The following TULP3 variants were observed in gnomAD, a reference collection of about 807,000 sequenced individuals.
The protein encoded by TULP3 is tubby-related protein 3.
Under a neutral mutation model 50.7 loss-of-function variants are expected in TULP3, and 38 were observed. The observed-to-expected ratio is 0.75, with a 90% CI of 0.58 to 0.98. The LOEUF is 0.98. Among genes scored for constraint, TULP3 ranks in the 50% least tolerant of loss-of-function variants. The probability of loss-of-function intolerance (pLI) is 0.00; values close to 1 mark genes in which losing one functional copy is unlikely to be tolerated. For synonymous variants in TULP3, 183 were observed against 196.6 expected (o/e 0.93, Z 0.58); for missense variants, 550 against 568.0 (o/e 0.97, Z 0.32).
intron 1 of TULP3, among the ~76,000 whole-genome samples, chr12:2,896,563 T>C (rs1297883071): frequency 1.3e-5 from 2 of 152,164 alleles, no homozygotes; most frequent in African/African-American, 4.8e-5. Flanking sequence ...GAATATGAAC[T>C]ATAGTTGTAA....
intron 1 of TULP3, among the ~76,000 whole-genome samples, chr12:2,905,056 G>A (rs2153948443): frequency 7.1e-6 from 1 of 140,530 alleles, no homozygotes; most frequent in African/African-American, 2.7e-5. Context: ...CTGCACTCCA[G>A]CCTGGACGAC....
chr12:2,928,985 G>A (rs1317041998), intron 4 of TULP3, among the ~76,000 whole-genome samples: 1 of 151,620 alleles, frequency 6.6e-6, no homozygotes, highest in East Asian at 1.9e-4. Context: ...GCTCTTTTTA[G>A]AATTTGTCTA....
At chr12:2,894,519 A>G (rs1417548948) in intron 1 of TULP3, among the ~76,000 whole-genome samples, 1 of 147,926 alleles carries the variant, frequency 6.8e-6, no homozygotes. Flanking sequence ...TGGGTGACAG[A>G]GCAAGACTCC....
chr12:2,933,341 T>C, intron 6 of TULP3, 77 bp from the exon 7 acceptor site: 1 of 857,870 alleles, frequency 1.2e-6, no homozygotes, highest in Admixed American at 1.9e-5. Flanking sequence ...GCTGAATGAA[T>C]ATGTAGGACA....
chr12:2,916,025 T>A (rs2153949272), intron 2 of TULP3, among the ~76,000 whole-genome samples: 1 of 152,182 alleles, frequency 6.6e-6, no homozygotes. Flanking sequence ...GAAGTTTTAT[T>A]TATTTTGAGA....
At chr12:2,904,973 T>A (rs577840681) in intron 1 of TULP3, among the ~76,000 whole-genome samples, 1 of 151,446 alleles carries the variant, frequency 6.6e-6, no homozygotes, top group Non-Finnish European at 1.5e-5. Flanking sequence ...TTATCCCAGC[T>A]GCTTGGGAGG....
intron 1 of TULP3, among the ~76,000 whole-genome samples, chr12:2,892,118 T>C (rs1396477578): frequency 6.6e-6 from 1 of 152,096 alleles, no homozygotes; most frequent in African/African-American, 2.4e-5. Flanking sequence ...GTATTTAGTT[T>C]GATATTTCCA....
In TULP3 at chr12:2,938,223, A is replaced by G. The variant is rs759694975; in HGVS notation, c.1133A>G (p.Asn378Ser). 2 of 1,614,144 alleles carry G rather than the reference A, an allele frequency of 1.2e-6. No homozygotes were observed. Among genetic ancestry groups the G allele is most frequent in the South Asian group, 1.1e-5 (1 of 91,084 alleles). ...WNSDTQSYVL[N>S]FRGRVTQASV... ...AGTGACACTCAGTCCTATGTCCTCA[A>G]CTTCCGTGGCCGGGTCACTCAGGCG... is the stretch of plus-strand genomic sequence containing the variant. The change falls in exon 10 of 11, where the codon AAC (asparagine) becomes AGC (serine). Residue 378 changes from asparagine to serine, a missense_variant. Asn to Ser is a conservative substitution (Grantham distance 46, BLOSUM62 1). Transcript: ENST00000448120.
intron 4 of TULP3, among the ~76,000 whole-genome samples, chr12:2,928,850 CAA>C (rs933268509): frequency 5.9e-5 from 9 of 151,998 alleles, no homozygotes; most frequent in African/African-American, 1.7e-4. Context: ...GAGGCTGAGA[CAA>C]GAGAATTGCT....
intron 2 of TULP3, among the ~76,000 whole-genome samples, chr12:2,913,945 G>A (rs1186071995): frequency 1.3e-5 from 2 of 151,954 alleles, no homozygotes; most frequent in Non-Finnish European, 2.9e-5. Flanking sequence ...TATAATAATT[G>A]TACATATTTA....
At chr12:2,895,619 T>C (rs1159238509) in intron 1 of TULP3, among the ~76,000 whole-genome samples, 3 of 152,256 alleles carry the variant, frequency 2.0e-5, no homozygotes, top group Non-Finnish European at 4.4e-5. Flanking sequence ...ACTTTGTTAA[T>C]AGCTCTTTCC....
In TULP3 at chr12:2,939,952, G is replaced by A; in HGVS notation, c.*508G>A. On this transcript the variant is annotated 3_prime_UTR_variant, in exon 11 of 11. Transcript: ENST00000448120. This position sits in a 1 kb window ranked among gnomAD's most constrained non-coding sequence, Gnocchi z 4.0. ...CTCCAAAGCTAGAATGGGATTTCATGTGCTTGGAAACTTGCAGTAGAATCA... is the reference window on the plus strand; with the variant it reads ...CTCCAAAGCTAGAATGGGATTTCATATGCTTGGAAACTTGCAGTAGAATCA... 7.8e-7 allele frequency: 1 copy of A among 1,274,260 alleles called. No individual in the cohort carries two copies. The highest frequency in any genetic ancestry group is 5.7e-5 in the East Asian group (1 of 17,542). The allele number at this position is 1,274,260 out of a possible 1,614,324, so 78.9% of individuals were successfully genotyped here. A position where few individuals can be genotyped will look rare whatever the true frequency, so the allele number is the denominator to read the frequency against.
At chr12:2,933,640 T>TAA in intron 7 of TULP3, 110 bp downstream of exon 7, 1 of 512,876 alleles carries the variant, frequency 1.9e-6, no homozygotes, top group Non-Finnish European at 3.2e-6. Context: ...GTTGTAATCT[T>TAA]AAAAAAAAAG....
intron 4 of TULP3, among the ~76,000 whole-genome samples, chr12:2,924,098 G>A (rs929275867): frequency 2.0e-5 from 3 of 152,172 alleles, no homozygotes; most frequent in Admixed American, 1.3e-4. Flanking sequence ...CTCATGGAGC[G>A]CTTATTCTAA....
intron 1 of TULP3, among the ~76,000 whole-genome samples, chr12:2,906,900 G>C (rs2098182632): frequency 6.6e-6 from 1 of 151,574 alleles, no homozygotes; most frequent in Admixed American, 6.6e-5. Flanking sequence ...TGGGCAAGAA[G>C]AGTGAACCCT....
chr12:2,896,778 C>T (rs1340546659), intron 1 of TULP3, among the ~76,000 whole-genome samples: 5 of 151,926 alleles, frequency 3.3e-5, no homozygotes, highest in Non-Finnish European at 5.9e-5. Flanking sequence ...TCCTTTCTCC[C>T]GAAATTCATT....
chr12:2,909,510 T>G lies in TULP3; in HGVS notation c.42-19T>G, dbSNP rs773651561. The G allele has an allele frequency of 6.2e-5, 6 of 97,196 alleles. No homozygotes were observed. In the East Asian group the frequency reaches 2.9e-3, roughly 47 times the overall value. 6.0% of individuals were successfully genotyped at this position (97,196 alleles called of 1,614,324 possible). On this transcript the variant is annotated intron_variant, in intron 1 of 10. Coordinates refer to ENST00000448120, the MANE Select transcript of TULP3 (RefSeq NM_003324.5). ...GTTTTCTTTTTATATACTTGCTTTA[T>G]TTTTTTTTTTTTTAACAGTGTCTTC...
At chr12:2,938,405 A>C in intron 10 of TULP3, 120 bp downstream of exon 10, 1 of 1,194,466 alleles carries the variant, frequency 8.4e-7, no homozygotes, top group Non-Finnish European at 1.2e-6. Flanking sequence ...GAGGAGAGAC[A>C]GGATTTCTTT....
rs1328264333 is a variant in TULP3, at chr12:2,940,135, C to T, written c.*691C>T. ...TCAATTAAGGCTGAAAGCATAAACTCTAGAGGTGACTCAGTCAGGACTGAC... is the reference window on the plus strand; with the variant it reads ...TCAATTAAGGCTGAAAGCATAAACTTTAGAGGTGACTCAGTCAGGACTGAC... On this transcript the variant is annotated 3_prime_UTR_variant, in exon 11 of 11. Coordinates refer to ENST00000448120, the MANE Select transcript of TULP3 (RefSeq NM_003324.5). The T allele has an allele frequency of 3.1e-6, 4 of 1,294,878 alleles. No homozygotes were observed. Among genetic ancestry groups the T allele is most frequent in the African/African-American group, 1.5e-5 (1 of 66,080 alleles). 80.2% of individuals were successfully genotyped at this position (1,294,878 alleles called of 1,614,324 possible). A position where few individuals can be genotyped will look rare whatever the true frequency, so the allele number is the denominator to read the frequency against.
Sources: gnomAD v4.1 joint callset for allele counts (sites outside exome capture counted in the v4.1 genomes callset) on GRCh38, gnomAD v4.1.1 for gene constraint, Gnocchi (gnomAD v3.1) non-coding constraint, MANE v1.5 for transcripts, NCBI Gene and HGNC (gene_info 2026-07-23, HGNC 2026-07-21) for gene names.